ESRRG: variants seen among roughly 807,000 people sequenced by gnomAD.
ESRRG encodes estrogen related receptor gamma.
ESRRG carries 13 observed loss-of-function variants against 44.0 expected under a neutral mutation model. That is an observed-to-expected ratio of 0.30 (90% confidence interval 0.19 to 0.47). The LOEUF (loss-of-function observed/expected upper bound fraction) is 0.47, where lower values mean the gene tolerates loss of function less well. Among genes scored for constraint, ESRRG ranks in the 20% least tolerant of loss-of-function variants. The pLI is 1.00. For synonymous variants in ESRRG, 215 were observed against 214.6 expected, an observed-to-expected ratio of 1.00 and a Z score of -0.02; for missense variants, 395 against 580.6, an observed-to-expected ratio of 0.68 and a Z score of 3.29.
chr1:216,612,769 T>G (rs565261242), intron 3 of ESRRG, among the ~76,000 whole-genome samples: 1 of 152,344 alleles, frequency 6.6e-6, no homozygotes, highest in South Asian at 2.1e-4. Flanking sequence ...AGCTCAGTGA[T>G]GTTTACCTGT....
intron 1 of ESRRG, among the ~76,000 whole-genome samples, chr1:217,133,001 G>C (rs187088081): frequency 2.0e-5 from 3 of 152,062 alleles, no homozygotes; most frequent in Non-Finnish European, 4.4e-5. Flanking sequence ...ATCTTTACTC[G>C]CAAGGAGAAA....
intron 3 of ESRRG, among the ~76,000 whole-genome samples, chr1:216,620,756 C>T (rs1332849843): frequency 1.3e-5 from 2 of 152,294 alleles, no homozygotes; most frequent in African/African-American, 2.4e-5. Context: ...AGGTGCATTG[C>T]TGATAGGTGG....
At chr1:216,831,604 G>A (rs182348542) in intron 2 of ESRRG, among the ~76,000 whole-genome samples, 104 of 152,112 alleles carry the variant, frequency 6.8e-4, no homozygotes, top group African/African-American at 2.4e-3. Flanking sequence ...AATAGAAATC[G>A]TGAATAATGC....
intron 1 of ESRRG, among the ~76,000 whole-genome samples, chr1:217,065,359 G>T (rs2089451818): frequency 6.6e-6 from 1 of 152,152 alleles, no homozygotes; most frequent in Middle Eastern, 3.2e-3. Context: ...AATCTCCACT[G>T]GGAATATGAC....
At chr1:216,929,833 C>A (rs1311865244) in intron 2 of ESRRG, among the ~76,000 whole-genome samples, 1 of 152,126 alleles carries the variant, frequency 6.6e-6, no homozygotes, top group Admixed American at 6.6e-5. Flanking sequence ...TGCTATTCAA[C>A]TATAAAATGC....
intron 1 of ESRRG, among the ~76,000 whole-genome samples, chr1:216,952,253 G>A (rs2067094102): frequency 1.3e-5 from 2 of 152,120 alleles, no homozygotes; most frequent in South Asian, 4.1e-4. Context: ...AACCTCTTCA[G>A]GAAAGGGTGA....
intron 2 of ESRRG, among the ~76,000 whole-genome samples, chr1:216,782,955 TA>T (rs1416541292): frequency 6.6e-6 from 1 of 151,986 alleles, no homozygotes. Context: ...CTCCTTCTCT[TA>T]AAAAAATCCT....
intron 2 of ESRRG, among the ~76,000 whole-genome samples, chr1:216,911,340 A>T (rs1179627323): frequency 6.6e-6 from 1 of 152,162 alleles, no homozygotes; most frequent in Non-Finnish European, 1.5e-5. Flanking sequence ...GGAACCTTAA[A>T]TGTGGAACCT....
intron 2 of ESRRG, among the ~76,000 whole-genome samples, chr1:216,809,234 A>C (rs918445592): frequency 3.3e-5 from 5 of 151,884 alleles, no homozygotes; most frequent in Admixed American, 3.3e-4. Context: ...TACTCCTTCC[A>C]AATGCACAAG....
intron 3 of ESRRG, among the ~76,000 whole-genome samples, chr1:216,636,878 G>C (rs937388416): frequency 6.6e-6 from 1 of 152,198 alleles, no homozygotes; most frequent in Non-Finnish European, 1.5e-5. Context: ...AGATAAGCAG[G>C]AGATTCTCTA....
chr1:216,885,139 G>A (rs2096496814), intron 2 of ESRRG, among the ~76,000 whole-genome samples: 1 of 150,240 alleles, frequency 6.7e-6, no homozygotes, highest in African/African-American at 2.5e-5. Context: ...AAGGAAGGCA[G>A]CAAGATACAT....
intron 1 of ESRRG, among the ~76,000 whole-genome samples, chr1:217,067,725 TAC>T (rs1237258531): frequency 6.6e-6 from 1 of 152,176 alleles, no homozygotes; most frequent in African/African-American, 2.4e-5. Context: ...TCCAAGCTAA[TAC>T]ACAGAGCTGT....
intron 1 of ESRRG, among the ~76,000 whole-genome samples, chr1:216,962,774 T>A (rs1230092857): frequency 6.6e-6 from 1 of 152,072 alleles, no homozygotes; most frequent in African/African-American, 2.4e-5. Context: ...ACATAACCAA[T>A]ATATTATGCA....
At chr1:216,956,286 A>C (rs1292191664) in intron 1 of ESRRG, among the ~76,000 whole-genome samples, 1 of 152,096 alleles carries the variant, frequency 6.6e-6, no homozygotes. Context: ...AACACCATCT[A>C]TCCTTCTCCA....
chr1:217,104,489 T>C lies in ESRRG; in HGVS notation c.-230+33178A>G, dbSNP rs530121242. 8.5e-5 allele frequency among the ~76,000 whole-genome samples: 13 copies of C among 152,356 alleles called. No homozygotes were observed. The South Asian group carries it at 1.4e-3, about 17-fold the overall frequency. On this transcript the variant is annotated intron_variant, in intron 1 of 8. Coordinates refer to the ESRRG transcript ENST00000366940. The stretch of plus-strand genomic sequence containing the variant: ...CTTGGGTAATTCAACTATCTGAGCT[T>C]CATTTCTTCAACTGTTCAGTGAAGG...
At chr1:216,587,108 T>TA (rs1393163100) in intron 3 of ESRRG, among the ~76,000 whole-genome samples, 1 of 152,220 alleles carries the variant, frequency 6.6e-6, no homozygotes, top group Non-Finnish European at 1.5e-5. Flanking sequence ...ATATTTCATG[T>TA]AAAAATTTAG....
chr1:216,537,714 A>G (rs1475480912), intron 5 of ESRRG, among the ~76,000 whole-genome samples: 2 of 152,114 alleles, frequency 1.3e-5, no homozygotes, highest in Non-Finnish European at 2.9e-5. Context: ...GGATAGGAGT[A>G]AGGCAGTCAA....
Position 216,519,251 on chromosome 1 carries a change from G to C in ESRRG, c.1033C>G (p.Leu345Val), listed in dbSNP as rs1572134626. 1.2e-6 allele frequency: 2 copies of C among 1,613,676 alleles called. No individual in the cohort carries two copies. Among genetic ancestry groups the C allele is most frequent in the East Asian group, 2.2e-5 (1 of 44,850 alleles). Residue 345 changes from leucine (L) to valine (V), a missense_variant, in exon 6 of 7, where the codon CTA becomes GTA. Leu to Val is a conservative substitution (Grantham distance 32). Transcript: ENST00000408911. ...DQSKLAGLLD[L>V]NNAILQLVKK... Reference sequence around the variant, plus strand: ...ACCAGCTGCAGGATAGCATTATTTAGATCAAGAAGGCCTGCTAATTTGGAC... The same window carrying C: ...ACCAGCTGCAGGATAGCATTATTTACATCAAGAAGGCCTGCTAATTTGGAC...
intron 1 of ESRRG, among the ~76,000 whole-genome samples, chr1:217,070,174 C>T (rs908231433): frequency 1.3e-5 from 2 of 152,078 alleles, no homozygotes; most frequent in African/African-American, 4.8e-5. Flanking sequence ...CTTAGGGAAA[C>T]TACATAACTC....
Sources: gnomAD v4.1 joint callset for allele counts (sites outside exome capture counted in the v4.1 genomes callset) on GRCh38, gnomAD v4.1.1 for gene constraint, MANE v1.5 for transcripts, NCBI Gene and HGNC (gene_info 2026-07-23, HGNC 2026-07-21) for gene names.